DCP1A: variants seen among roughly 807,000 people sequenced by gnomAD.
DCP1A encodes mRNA-decapping enzyme 1A.
A neutral mutation model predicts 58.0 loss-of-function variants in DCP1A; 20 were observed. The ratio of observed to expected loss-of-function variants is 0.34; its 90% CI spans 0.24 to 0.50. The LOEUF is 0.50. DCP1A is among the 20% of genes least tolerant of loss of function. DCP1A has a pLI of 0.98. For missense variants in DCP1A, 613 were observed against 712.2 expected (o/e 0.86, Z 1.59); for synonymous variants, 285 against 275.1 (o/e 1.04, Z -0.36).
intron 5 of DCP1A, among the ~76,000 whole-genome samples, chr3:53,305,347 T>TTC (rs35739520): frequency 0.71 from 106,898 of 151,164 alleles, 38,429 homozygotes; most frequent in Non-Finnish European, 0.77. Flanking sequence ...GGACAAAAAT[T>TTC]TTTTTTTCTT....
chr3:53,298,848 G>A (rs1553687081), intron 6 of DCP1A, among the ~76,000 whole-genome samples: 2 of 152,174 alleles, frequency 1.3e-5, no homozygotes, highest in Admixed American at 6.5e-5. Context: ...GGTCCCATAA[G>A]AATATAATAT....
At chr3:53,332,544 T>C (rs553307528) in intron 3 of DCP1A, among the ~76,000 whole-genome samples, 1 of 152,312 alleles carries the variant, frequency 6.6e-6, no homozygotes, top group South Asian at 2.1e-4. Flanking sequence ...AGTGGAGTTT[T>C]TTGTTTTGTT....
At chr3:53,327,229 A>T (rs1009780485) in intron 3 of DCP1A, among the ~76,000 whole-genome samples, 1 of 152,128 alleles carries the variant, frequency 6.6e-6, no homozygotes. Flanking sequence ...TTTTTCTACC[A>T]ATTTACTAAT....
At chr3:53,289,142 T>A (rs543337591) in intron 8 of DCP1A, among the ~76,000 whole-genome samples, 82 of 151,292 alleles carry the variant, frequency 5.4e-4, no homozygotes, top group African/African-American at 1.8e-3. Context: ...GATTTTTTTG[T>A]AAAGACGAGG....
chr3:53,331,727 C>A (rs1553691300), intron 3 of DCP1A, among the ~76,000 whole-genome samples: 1 of 152,184 alleles, frequency 6.6e-6, no homozygotes, highest in Non-Finnish European at 1.5e-5. Context: ...TCAGAACACA[C>A]TTCACAGAAT....
intron 5 of DCP1A, among the ~76,000 whole-genome samples, chr3:53,310,487 A>G (rs995062674): frequency 6.6e-6 from 1 of 152,218 alleles, no homozygotes; most frequent in East Asian, 1.9e-4. Context: ...TGATACAGTT[A>G]TTACTCAGGA....
intron 6 of DCP1A, among the ~76,000 whole-genome samples, chr3:53,300,916 G>A (rs1707295275): frequency 6.6e-6 from 1 of 152,112 alleles, no homozygotes; most frequent in Non-Finnish European, 1.5e-5. Flanking sequence ...CCAAAGTCCC[G>A]AGATTACAGG....
intron 6 of DCP1A, among the ~76,000 whole-genome samples, chr3:53,296,014 T>G (rs1193058855): frequency 6.6e-6 from 1 of 151,722 alleles, no homozygotes; most frequent in Admixed American, 6.6e-5. Context: ...TGCCTCAGCC[T>G]CCTGAGCAGC....
At chr3:53,338,242 T>G in intron 3 of DCP1A, 1 of 353,410 alleles carries the variant, frequency 2.8e-6, no homozygotes, top group South Asian at 2.0e-5. Context: ...GCAATCCCAC[T>G]GGGGTCTTGT....
intron 3 of DCP1A, among the ~76,000 whole-genome samples, chr3:53,336,845 G>GATTGATTGATTT (rs150269227): frequency 1.4e-5 from 2 of 144,212 alleles, no homozygotes; most frequent in African/African-American, 5.1e-5. Context: ...CCAAAGCCCA[G>GATTGATTGATTT]ATTTATTTAT....
At position 53,287,038 on chromosome 3, in the gene DCP1A, T is replaced by C. The variant is rs1706660745; in HGVS notation, c.*542A>G. The C allele has an allele frequency of 6.6e-6, 1 of 152,250 alleles. No individual in the cohort carries two copies. Among genetic ancestry groups the C allele is most frequent in the Non-Finnish European group, 1.5e-5 (1 of 68,078 alleles). The allele number at this position is 152,250 out of a possible 1,614,324, so 9.4% of individuals were successfully genotyped here. On this transcript the variant is annotated 3_prime_UTR_variant, in exon 10 of 10. Transcript: ENST00000610213. ...GCCCAAATGGGGCATTCATATAAAATATACTTCACTTGAGGAAATAATTCC... is the reference window on the plus strand; with the variant it reads ...GCCCAAATGGGGCATTCATATAAAACATACTTCACTTGAGGAAATAATTCC...
intron 4 of DCP1A, among the ~76,000 whole-genome samples, chr3:53,315,415 G>A (rs1225053503): frequency 6.6e-6 from 1 of 150,836 alleles, no homozygotes; most frequent in African/African-American, 2.4e-5. Context: ...GCAGGCACTT[G>A]TAATCCCAGC....
At position 53,285,135 on chromosome 3, in the gene DCP1A, A is replaced by T. The variant is rs1706585714; in HGVS notation, c.*2445T>A. The T allele has an allele frequency of 6.6e-6, 1 of 152,198 alleles. No homozygotes were observed. Among genetic ancestry groups the T allele is most frequent in the African/African-American group, 2.4e-5 (1 of 41,416 alleles). The allele number at this position is 152,198 out of a possible 1,614,324, so 9.4% of individuals were successfully genotyped here. On this transcript the variant is annotated 3_prime_UTR_variant, in exon 10 of 10. Transcript: ENST00000610213. ...AGACCCTGGGGGTGGGGGTGGGCACACAAATGGACAGAGTGGTCTAAATGC... is the reference window on the plus strand; with the variant it reads ...AGACCCTGGGGGTGGGGGTGGGCACTCAAATGGACAGAGTGGTCTAAATGC...
At chr3:53,340,224 C>A (rs2089182802) in intron 3 of DCP1A, among the ~76,000 whole-genome samples, 2 of 152,246 alleles carry the variant, frequency 1.3e-5, no homozygotes, top group African/African-American at 2.4e-5. Flanking sequence ...CTTTGCCCAG[C>A]CGAATTTTCC....
intron 3 of DCP1A, among the ~76,000 whole-genome samples, chr3:53,332,273 A>G (rs1553691375): frequency 6.6e-6 from 1 of 152,190 alleles, no homozygotes; most frequent in Non-Finnish European, 1.5e-5. Context: ...GTGATGGGAG[A>G]GATTTTTAGT....
intron 8 of DCP1A, among the ~76,000 whole-genome samples, chr3:53,289,124 C>T (rs901500179): frequency 6.6e-6 from 1 of 151,298 alleles, no homozygotes; most frequent in African/African-American, 2.4e-5. Context: ...AATCCTCCCC[C>T]CATTTTTGAT....
intron 4 of DCP1A, among the ~76,000 whole-genome samples, chr3:53,314,667 CTT>C (rs1167830951): frequency 2.3e-4 from 20 of 86,702 alleles, no homozygotes; most frequent in African/African-American, 4.7e-4. Context: ...TTTTCTTTTT[CTT>C]TTTTTTTTTT....
intron 3 of DCP1A, among the ~76,000 whole-genome samples, chr3:53,320,940 C>T (rs1707946614): frequency 6.6e-6 from 1 of 152,240 alleles, no homozygotes; most frequent in African/African-American, 2.4e-5. Context: ...TATTCCTGCT[C>T]CACTGACTTC....
At chr3:53,326,948 C>T (rs1051177228) in intron 3 of DCP1A, among the ~76,000 whole-genome samples, 6 of 150,104 alleles carry the variant, frequency 4.0e-5, no homozygotes, top group African/African-American at 7.4e-5. Flanking sequence ...TAAATGATTA[C>T]GGTTCTGCCA....
Sources: allele counts gnomAD v4.1 joint callset (sites outside exome capture counted in the v4.1 genomes callset), GRCh38; gene constraint gnomAD v4.1.1; transcripts MANE v1.5; gene names NCBI Gene and HGNC (gene_info 2026-07-23, HGNC 2026-07-21).